Variants in MACROD2 observed in about 807,000 individuals in gnomAD.
MACROD2 encodes ADP-ribose glycohydrolase MACROD2.
In MACROD2, 36 loss-of-function variants were observed where a neutral mutation model predicts 70.4. The ratio of observed to expected loss-of-function variants is 0.51; its 90% CI spans 0.39 to 0.68. The LOEUF is 0.68. Among genes scored for constraint, MACROD2 ranks in the 30% least tolerant of loss-of-function variants. The pLI is 0.00. For missense variants in MACROD2, 496 were observed against 538.4 expected, an observed-to-expected ratio of 0.92 and a Z score of 0.78; for synonymous variants, 172 against 178.8, an observed-to-expected ratio of 0.96 and a Z score of 0.30.
chr20:15,422,045 A>G (rs1230180810), intron 6 of MACROD2, among the ~76,000 whole-genome samples: 2 of 152,200 alleles, frequency 1.3e-5, no homozygotes, highest in East Asian at 1.9e-4. Flanking sequence ...GAGTAGAATC[A>G]TGCTTTGTGC....
At chr20:15,455,405 C>T (rs1365192888) in intron 7 of MACROD2, among the ~76,000 whole-genome samples, 1 of 152,096 alleles carries the variant, frequency 6.6e-6, no homozygotes, top group Non-Finnish European at 1.5e-5. Context: ...TATTGGATAT[C>T]GGTCATCAGA....
intron 5 of MACROD2, among the ~76,000 whole-genome samples, chr20:14,945,858 T>A (rs1044853686): frequency 6.6e-6 from 1 of 152,214 alleles, no homozygotes; most frequent in Non-Finnish European, 1.5e-5. Flanking sequence ...TGGCCTCACT[T>A]GTTATTGATA....
intron 8 of MACROD2, among the ~76,000 whole-genome samples, chr20:15,724,021 C>A (rs2050825899): frequency 6.6e-6 from 1 of 152,112 alleles, no homozygotes; most frequent in African/African-American, 2.4e-5. Flanking sequence ...TTCATATTTA[C>A]CTGATGCCAC....
At chr20:15,084,597 CTCTT>C (rs1338980191) in intron 5 of MACROD2, among the ~76,000 whole-genome samples, 5 of 152,154 alleles carry the variant, frequency 3.3e-5, no homozygotes, top group Admixed American at 6.5e-5. Flanking sequence ...CTAACAGTGA[CTCTT>C]TCTGTCATGT....
At chr20:15,021,001 CATACACATGTGTATATGT>C (rs1454344922) in intron 5 of MACROD2, among the ~76,000 whole-genome samples, 1 of 146,634 alleles carries the variant, frequency 6.8e-6, no homozygotes, top group Non-Finnish European at 1.5e-5. Context: ...TATGTATATG[CATACACATGTGTATATGT>C]ATACACATGT....
At chr20:14,976,020 A>G (rs1361599052) in intron 5 of MACROD2, among the ~76,000 whole-genome samples, 1 of 152,162 alleles carries the variant, frequency 6.6e-6, no homozygotes, top group Non-Finnish European at 1.5e-5. Context: ...AGAGGCCAGC[A>G]TAGAGGATAT....
chr20:15,333,335 C>T (rs1043378757), intron 6 of MACROD2, among the ~76,000 whole-genome samples: 1 of 151,654 alleles, frequency 6.6e-6, no homozygotes, highest in African/African-American at 2.4e-5. Context: ...TCTGCTGCCT[C>T]TTTCAGCTAA....
chr20:15,132,132 T>C (rs1346827591), intron 5 of MACROD2, among the ~76,000 whole-genome samples: 1 of 152,020 alleles, frequency 6.6e-6, no homozygotes, highest in African/African-American at 2.4e-5. Flanking sequence ...ATGAAAAAAC[T>C]CAGTGTATGA....
At chr20:14,294,380 A>G (rs1395941779) in intron 3 of MACROD2, among the ~76,000 whole-genome samples, 10 of 151,232 alleles carry the variant, frequency 6.6e-5, no homozygotes, top group Admixed American at 4.6e-4. Context: ...TTACAGCCTA[A>G]TTACAATCTT....
intron 5 of MACROD2, among the ~76,000 whole-genome samples, chr20:14,934,605 G>A (rs1032115792): frequency 1.1e-4 from 16 of 152,198 alleles, no homozygotes; most frequent in Admixed American, 9.8e-4. Flanking sequence ...TGGCCAACAT[G>A]GTGAAACCTT....
intron 13 of MACROD2, among the ~76,000 whole-genome samples, chr20:15,969,676 T>G (rs1177652297): frequency 6.6e-6 from 1 of 151,962 alleles, no homozygotes; most frequent in East Asian, 1.9e-4. Flanking sequence ...AGGCACACAC[T>G]GAAGAAAGAG....
rs554128925 is a variant in MACROD2, at chr20:15,807,438, T to A, written c.646-55307T>A. On this transcript the variant is annotated intron_variant, in intron 8 of 17. Transcript: ENST00000684519. ...GTCACCTTCTTCCTACTTTAGTACA[T>A]ACACACACACTTCTCCAAGTTAGAA... Among the ~76,000 whole-genome samples, 34 of 152,286 alleles carry A rather than the reference T, an allele frequency of 2.2e-4. No homozygotes were observed. In the South Asian group the frequency reaches 5.0e-3, roughly 22 times the overall value.
intron 8 of MACROD2, among the ~76,000 whole-genome samples, chr20:15,843,423 C>G (rs1291519109): frequency 2.0e-5 from 3 of 152,122 alleles, no homozygotes; most frequent in Non-Finnish European, 4.4e-5. Flanking sequence ...TATGTTAATT[C>G]TATGTGATAT....
chr20:14,512,137 C>T (rs1189727503), intron 4 of MACROD2, among the ~76,000 whole-genome samples: 4 of 152,036 alleles, frequency 2.6e-5, no homozygotes, highest in African/African-American at 7.2e-5. Context: ...GGTCTATCAT[C>T]CATGATATTA....
At chr20:15,119,714 G>C (rs1267717717) in intron 5 of MACROD2, among the ~76,000 whole-genome samples, 1 of 152,176 alleles carries the variant, frequency 6.6e-6, no homozygotes, top group Non-Finnish European at 1.5e-5. Context: ...GACATGTTCT[G>C]ATATGTTAGG....
At chr20:14,073,523 T>G (rs2053877611) in intron 2 of MACROD2, among the ~76,000 whole-genome samples, 1 of 152,196 alleles carries the variant, frequency 6.6e-6, no homozygotes. Context: ...AATACTCAGT[T>G]GTATTCCAGG....
chr20:15,278,937 T>C (rs1229125721), intron 6 of MACROD2, among the ~76,000 whole-genome samples: 8 of 152,222 alleles, frequency 5.3e-5, no homozygotes, highest in Non-Finnish European at 4.4e-5. Flanking sequence ...GAATGTGAAA[T>C]GGATGCCTCG....
At chr20:14,210,832 C>A (rs1366225860) in intron 3 of MACROD2, among the ~76,000 whole-genome samples, 1 of 152,124 alleles carries the variant, frequency 6.6e-6, no homozygotes, top group Non-Finnish European at 1.5e-5. Flanking sequence ...TGCTGTGTAT[C>A]ACCTATGAAT....
intron 6 of MACROD2, among the ~76,000 whole-genome samples, chr20:15,407,336 C>T (rs2046017184): frequency 6.6e-6 from 1 of 152,176 alleles, no homozygotes; most frequent in Non-Finnish European, 1.5e-5. Context: ...TACAGAGTTC[C>T]TCAGAGCACC....
Sources: gnomAD v4.1 joint callset for allele counts (sites outside exome capture counted in the v4.1 genomes callset) on GRCh38, gnomAD v4.1.1 for gene constraint, MANE v1.5 for transcripts, NCBI Gene and HGNC (gene_info 2026-07-23, HGNC 2026-07-21) for gene names.